Variants in STPG1 observed in about 807,000 individuals in gnomAD.
STPG1 encodes the protein O(6)-methylguanine-induced apoptosis 2.
Under a neutral mutation model 40.1 loss-of-function variants are expected in STPG1, and 33 were observed. The observed-to-expected ratio is 0.82, with a 90% confidence interval of 0.62 to 1.10. STPG1 has a LOEUF of 1.10. Among genes scored for constraint, STPG1 ranks in the 50% least tolerant of loss-of-function variants. STPG1 has a pLI of 0.00. For synonymous variants in STPG1, 150 were observed against 155.0 expected (o/e 0.97, Z 0.24); for missense variants, 396 against 415.1 (o/e 0.95, Z 0.40).
At chr1:24,376,420 TATG>T (rs1557442019) in intron 5 of STPG1, among the ~76,000 whole-genome samples, 1 of 152,218 alleles carries the variant, frequency 6.6e-6, no homozygotes, top group Non-Finnish European at 1.5e-5. Context: ...GAATATATTT[TATG>T]ATGAGCGTGT....
At chr1:24,370,929 T>C (rs1641710136) in intron 6 of STPG1, among the ~76,000 whole-genome samples, 1 of 152,080 alleles carries the variant, frequency 6.6e-6, no homozygotes. Context: ...CTAACATGTA[T>C]GTGTTGAGCA....
chr1:24,404,730 G>A (rs541822018), intron 1 of STPG1, among the ~76,000 whole-genome samples: 18 of 152,138 alleles, frequency 1.2e-4, no homozygotes, highest in Non-Finnish European at 2.1e-4. Flanking sequence ...TTCAATATCT[G>A]CAGGTTCTGT....
chr1:24,373,317 T>C (rs1431519624), intron 6 of STPG1, among the ~76,000 whole-genome samples: 1 of 152,182 alleles, frequency 6.6e-6, no homozygotes, highest in Non-Finnish European at 1.5e-5. Context: ...AGCTCAGTGT[T>C]GAAGGAACAG....
At chr1:24,392,098 A>C in intron 2 of STPG1, 1 of 990,530 alleles carries the variant, frequency 1.0e-6, no homozygotes, top group Non-Finnish European at 1.2e-6. Flanking sequence ...TAGGCCGTTA[A>C]AATCCAAAGA....
chr1:24,400,328 T>A (rs1182769434), intron 2 of STPG1, among the ~76,000 whole-genome samples: 1 of 152,192 alleles, frequency 6.6e-6, no homozygotes, highest in Non-Finnish European at 1.5e-5. Flanking sequence ...ATATGAGAAG[T>A]CAGGATAACC....
At chr1:24,391,858 C>T (rs868195907) in intron 2 of STPG1, 179 bp from the exon 3 acceptor site, 49 of 1,330,208 alleles carry the variant, frequency 3.7e-5, no homozygotes, top group Middle Eastern at 5.7e-4. Flanking sequence ...TTCTTTCCCT[C>T]TCGGCAATTT....
intron 5 of STPG1, 133 bp from the exon 6 acceptor site, chr1:24,373,943 T>A (rs745310476): frequency 1.5e-6 from 1 of 660,490 alleles, no homozygotes; most frequent in Non-Finnish European, 2.7e-6. Flanking sequence ...AATGAACAGA[T>A]GTGAGCTGTA....
intron 1 of STPG1, among the ~76,000 whole-genome samples, chr1:24,403,081 T>C (rs1557462371): frequency 6.6e-6 from 1 of 152,198 alleles, no homozygotes; most frequent in Admixed American, 6.5e-5. Flanking sequence ...TTTATAGTTT[T>C]AGCTCTTACA....
rs751311578 is a variant in STPG1, at chr1:24,401,315, G to A, written c.70+4C>T. On this transcript the variant is annotated splice_donor_region_variant and intron_variant, in intron 2 of 8. Transcript: ENST00000337248. ...CTATCTCCTCCCTGCAAAGACACAT[G>A]TACCTTTCTGTACTTCACTGGCACG... The A allele has an allele frequency of 6.2e-7, 1 of 1,613,784 alleles. No individual in the cohort carries two copies. Among genetic ancestry groups the A allele is most frequent in the South Asian group, 1.1e-5 (1 of 91,052 alleles).
intron 4 of STPG1, among the ~76,000 whole-genome samples, chr1:24,383,209 G>C (rs72652544): frequency 0.046 from 6,985 of 152,256 alleles, 245 homozygotes; most frequent in Non-Finnish European, 0.07. Flanking sequence ...CACCGTGCCT[G>C]TCCACTTTTC....
At chr1:24,382,035 GA>G (rs748091043) in intron 4 of STPG1, among the ~76,000 whole-genome samples, 13 of 152,348 alleles carry the variant, frequency 8.5e-5, no homozygotes, top group Non-Finnish European at 1.6e-4. Flanking sequence ...AAAGGGAGGA[GA>G]GGGGGAAGCC....
chr1:24,380,612 C>A (rs1570035385), intron 4 of STPG1, among the ~76,000 whole-genome samples: 1 of 152,170 alleles, frequency 6.6e-6, no homozygotes, highest in Non-Finnish European at 1.5e-5. Flanking sequence ...TACACAAACA[C>A]AGAAAGTGGG....
In STPG1 at chr1:24,391,615, T is replaced by A. The variant is rs774559373; in HGVS notation, c.135A>T (p.Pro45=). 117 of 1,550,042 alleles carry A rather than the reference T, an allele frequency of 7.5e-5. No individual in the cohort carries two copies. In the South Asian group the frequency reaches 1.3e-3, roughly 17 times the overall value. ...IPFKSQASVI[P]ESEKKGFNSQ... ...TATTGAATCCTTTTTTTTCTGATTC[T>A]GGGATTACTGAAGCTTGAGATTTAA... The change falls in exon 3 of 9, where the codon CCA becomes CCT. Residue 45 remains proline, a synonymous_variant. Transcript: ENST00000337248.
intron 8 of STPG1, 88 bp from the exon 9 acceptor site, chr1:24,358,707 C>G (rs1640889834): frequency 2.0e-6 from 2 of 986,388 alleles, no homozygotes; most frequent in African/African-American, 3.2e-5. Flanking sequence ...CTGGAAAGGC[C>G]TGGGGACCCC....
Position 24,377,689 on chromosome 1 carries a change from T to C in STPG1, c.462+1964A>G, listed in dbSNP as rs1386784753. On this transcript the variant is annotated intron_variant, in intron 5 of 8. Coordinates refer to ENST00000337248, the MANE Select transcript of STPG1 (RefSeq NM_001199013.2). ...GTTTGTTTACCTGTTCTTTTCTGAA[T>C]TCCCCACTGGAATCTAAGCTGTATC... Among the ~76,000 whole-genome samples, 4 of 152,172 alleles carry C rather than the reference T, an allele frequency of 2.6e-5. No homozygotes were observed. In the East Asian group the frequency reaches 7.7e-4, roughly 29 times the overall value.
chr1:24,361,874 C>A (rs1028166247), intron 7 of STPG1, among the ~76,000 whole-genome samples: 1 of 152,174 alleles, frequency 6.6e-6, no homozygotes, highest in African/African-American at 2.4e-5. Flanking sequence ...GACAAGATGA[C>A]CTCTGAGGTC....
rs1372828382 is a variant in STPG1 at position 24,359,427 on chromosome 1, T to C, written c.929-808A>G. 2.6e-5 allele frequency among the ~76,000 whole-genome samples: 4 copies of C among 152,224 alleles called. No individual in the cohort carries two copies. Among genetic ancestry groups the C allele is most frequent in the Non-Finnish European group, 5.9e-5 (4 of 68,038 alleles). ...CCCCTTGTATGGAGCATTTGCATGT[T>C]TGCAATGCTGAGTTCTCCTCGACTG... On this transcript the variant is annotated intron_variant, in intron 8 of 8. Transcript: ENST00000337248. The surrounding 1 kb of genome is among the most constrained non-coding windows in gnomAD (Gnocchi z 5.3).
Position 24,399,644 on chromosome 1 carries a change from G to A in STPG1, c.70+1675C>T, listed in dbSNP as rs576178556. Among the ~76,000 whole-genome samples the A allele has an allele frequency of 2.0e-5, 3 of 152,158 alleles. No homozygotes were observed. Among genetic ancestry groups the A allele is most frequent in the Non-Finnish European group, 2.9e-5 (2 of 67,972 alleles). On this transcript the variant is annotated intron_variant, in intron 2 of 8. Transcript: ENST00000337248. The surrounding 1 kb of genome is among the most constrained non-coding windows in gnomAD (Gnocchi z 4.0). ...TGACATTTACCTACAGCTAACAAAT[G>A]ACTTGTTTCTAGAATAAAGAATCCC...
intron 4 of STPG1, among the ~76,000 whole-genome samples, chr1:24,380,911 T>C (rs1157197967): frequency 6.6e-6 from 1 of 152,224 alleles, no homozygotes; most frequent in Non-Finnish European, 1.5e-5. Context: ...ATGCAGTGTG[T>C]AAGGATTTGC....
Sources: allele counts gnomAD v4.1 joint callset (sites outside exome capture counted in the v4.1 genomes callset), GRCh38; gene constraint gnomAD v4.1.1; non-coding constraint Gnocchi (gnomAD v3.1); transcripts MANE v1.5; gene names NCBI Gene and HGNC (gene_info 2026-07-23, HGNC 2026-07-21).